Variants in WIPF2 observed in about 807,000 individuals in gnomAD.
The protein encoded by WIPF2 is WAS/WASL-interacting protein family member 2.
WIPF2 carries 23 observed loss-of-function variants against 38.8 expected under a neutral mutation model. The ratio of observed to expected loss-of-function variants is 0.59; its 90% CI spans 0.43 to 0.84. WIPF2 has a LOEUF of 0.84. Among genes scored for constraint, WIPF2 ranks in the 40% least tolerant of loss-of-function variants. The pLI is 0.00. For synonymous variants in WIPF2, 210 were observed against 223.2 expected, an observed-to-expected ratio of 0.94 and a Z score of 0.53; for missense variants, 574 against 580.5, an observed-to-expected ratio of 0.99 and a Z score of 0.11.
Position 40,273,613 on chromosome 17 carries a change from A to G in WIPF2, c.971-177A>G, listed in dbSNP as rs1368636632. 3 of 578,004 alleles carry G rather than the reference A, an allele frequency of 5.2e-6. No homozygotes were observed. The African/African-American group carries it at 5.8e-5, about 11-fold the overall frequency. 35.8% of individuals were successfully genotyped at this position (578,004 alleles called of 1,614,324 possible). A position where few individuals can be genotyped will look rare whatever the true frequency, so the allele number is the denominator to read the frequency against. ...GGAAATGTAAAAAGGCCATACATTT[A>G]TTCTGAATGTTGGTATCTGGAAGAA... On this transcript the variant is annotated intron_variant, in intron 5 of 7. Coordinates refer to ENST00000323571, the MANE Select transcript of WIPF2 (RefSeq NM_133264.5).
intron 1 of WIPF2, among the ~76,000 whole-genome samples, chr17:40,245,722 A>C (rs1417025368): frequency 6.6e-6 from 1 of 152,092 alleles, no homozygotes; most frequent in East Asian, 1.9e-4. Context: ...TCTATTCACT[A>C]GATGCCAGCA....
intron 1 of WIPF2, among the ~76,000 whole-genome samples, chr17:40,254,182 A>G (rs553761226): frequency 6.6e-6 from 1 of 152,044 alleles, no homozygotes; most frequent in Admixed American, 6.6e-5. Context: ...ATGCCGGGCT[A>G]ATTTTTGTAT....
intron 3 of WIPF2, among the ~76,000 whole-genome samples, chr17:40,262,203 C>T (rs191859148): frequency 2.0e-5 from 3 of 151,946 alleles, no homozygotes; most frequent in African/African-American, 7.2e-5. Context: ...ATCTCAGCCT[C>T]CCGAGTAGCT....
intron 7 of WIPF2, 21 bp downstream of exon 7, chr17:40,277,205 G>C: frequency 2.8e-4 from 417 of 1,482,628 alleles, no homozygotes; most frequent in Non-Finnish European, 3.6e-4. Flanking sequence ...TAATAAGAAG[G>C]TTTTTCCATA....
chr17:40,262,077 CTTTTTTTTT>C, intron 3 of WIPF2, among the ~76,000 whole-genome samples: 1 of 122,608 alleles, frequency 8.2e-6, no homozygotes, highest in East Asian at 2.2e-4. Flanking sequence ...TTTCTTTTCT[CTTTTTTTTT>C]TTTTTTTTGA....
intron 1 of WIPF2, among the ~76,000 whole-genome samples, chr17:40,224,179 C>T (rs890484194): frequency 2.6e-4 from 38 of 148,566 alleles, no homozygotes; most frequent in African/African-American, 9.2e-4. Flanking sequence ...AGGCTCGGTG[C>T]TCCTGGGCGG....
chr17:40,272,508 T>C (rs72836660), intron 5 of WIPF2, among the ~76,000 whole-genome samples: 18,028 of 152,208 alleles, frequency 0.12, 1,180 homozygotes, highest in East Asian at 0.3. Context: ...GAATCTGCTG[T>C]ATATATTTTG....
chr17:40,240,186 C>T (rs1293708166), intron 1 of WIPF2, among the ~76,000 whole-genome samples: 2 of 152,108 alleles, frequency 1.3e-5, no homozygotes, highest in Non-Finnish European at 2.9e-5. Flanking sequence ...CTCAGCCTCC[C>T]AAGTCGCTGG....
rs1267279688 is a variant in WIPF2, at chr17:40,278,270, T to G, written c.*45T>G. On this transcript the variant is annotated 3_prime_UTR_variant, in exon 8 of 8. Coordinates refer to ENST00000323571, the MANE Select transcript of WIPF2 (RefSeq NM_133264.5). The stretch of plus-strand genomic sequence containing the variant: ...CCTCAGGAAAAGGATGGACCTTCTC[T>G]TCTTCTCAGATGGTCCCTTCCATTC... 35 of 1,603,654 alleles carry G rather than the reference T, an allele frequency of 2.2e-5. No homozygotes were observed. The highest frequency in any genetic ancestry group is 3.0e-5 in the Non-Finnish European group (35 of 1,172,954).
At chr17:40,257,662 C>T (rs1271854135) in intron 2 of WIPF2, among the ~76,000 whole-genome samples, 1 of 148,456 alleles carries the variant, frequency 6.7e-6, no homozygotes, top group Non-Finnish European at 1.5e-5. Context: ...GGGAGAATTG[C>T]TTGAACCCAG....
intron 1 of WIPF2, among the ~76,000 whole-genome samples, chr17:40,230,713 T>C (rs935809537): frequency 2.0e-5 from 3 of 152,238 alleles, no homozygotes; most frequent in Admixed American, 6.6e-5. Context: ...CCTATTTACT[T>C]TTAGTGGGAG....
chr17:40,257,668 C>G (rs1022307210), intron 2 of WIPF2, among the ~76,000 whole-genome samples: 1 of 151,130 alleles, frequency 6.6e-6, no homozygotes, highest in Admixed American at 6.6e-5. Flanking sequence ...ATTGCTTGAA[C>G]CCAGGAAGCG....
At chr17:40,242,641 A>G (rs2031231502) in intron 1 of WIPF2, among the ~76,000 whole-genome samples, 1 of 152,142 alleles carries the variant, frequency 6.6e-6, no homozygotes, top group Non-Finnish European at 1.5e-5. Flanking sequence ...ACCTTAGGTA[A>G]TCCACCTGCC....
intron 1 of WIPF2, among the ~76,000 whole-genome samples, chr17:40,249,052 C>T (rs1351310212): frequency 6.6e-6 from 1 of 152,082 alleles, no homozygotes; most frequent in Non-Finnish European, 1.5e-5. Flanking sequence ...GATACAAAAA[C>T]TGTAATTTAC....
intron 1 of WIPF2, chr17:40,220,636 T>TTTG (rs1319986730): frequency 2.1e-5 from 3 of 140,046 alleles, no homozygotes; most frequent in African/African-American, 5.3e-5. Flanking sequence ...TATATATTTT[T>TTTG]TTGTTGTTGT....
intron 1 of WIPF2, among the ~76,000 whole-genome samples, chr17:40,255,722 G>A (rs552800271): frequency 4.2e-5 from 6 of 141,510 alleles, no homozygotes; most frequent in South Asian, 2.3e-4. Flanking sequence ...TCCGCCTCCT[G>A]GTTTCACGCC....
chr17:40,268,857 T>A (rs1038916120), intron 5 of WIPF2, among the ~76,000 whole-genome samples: 2 of 152,168 alleles, frequency 1.3e-5, no homozygotes, highest in African/African-American at 4.8e-5. Context: ...TTCTCACCGA[T>A]TCTCTTTTCT....
At chr17:40,239,544 A>G (rs893421195) in intron 1 of WIPF2, among the ~76,000 whole-genome samples, 1 of 151,976 alleles carries the variant, frequency 6.6e-6, no homozygotes, top group Non-Finnish European at 1.5e-5. Flanking sequence ...TCTGGCTGCC[A>G]ATGTTTTTGG....
chr17:40,249,835 ATT>A (rs992890036), intron 1 of WIPF2, among the ~76,000 whole-genome samples: 5 of 142,740 alleles, frequency 3.5e-5, no homozygotes. Context: ...CATCAGGAAG[ATT>A]TTTTTTTTTT....
Sources: allele counts gnomAD v4.1 joint callset (sites outside exome capture counted in the v4.1 genomes callset), GRCh38; gene constraint gnomAD v4.1.1; transcripts MANE v1.5; gene names NCBI Gene and HGNC (gene_info 2026-07-23, HGNC 2026-07-21).